The following MTMR3 variants were observed in gnomAD, a reference collection of about 807,000 sequenced individuals.
MTMR3 encodes the protein phosphatidylinositol-3,5-bisphosphate 3-phosphatase MTMR3.
Under a neutral mutation model 132.4 loss-of-function variants are expected in MTMR3, and 32 were observed. The ratio of observed to expected loss-of-function variants is 0.24; its 90% CI spans 0.18 to 0.32. The LOEUF (loss-of-function observed/expected upper bound fraction) is 0.32, where lower values mean the gene tolerates loss of function less well. Ranked by LOEUF, MTMR3 falls within the 10% of genes least tolerant of loss-of-function variation. MTMR3 has a pLI of 1.00. For synonymous variants in MTMR3, 556 were observed against 550.3 expected (o/e 1.01, Z -0.14); for missense variants, 1,216 against 1,489.6 (o/e 0.82, Z 3.02).
chr22:29,930,519 G>A (rs1367387912), intron 1 of MTMR3, among the ~76,000 whole-genome samples: 1 of 152,110 alleles, frequency 6.6e-6, no homozygotes, highest in Non-Finnish European at 1.5e-5. Flanking sequence ...AGGCAACATG[G>A]CGAAACCCTG....
intron 1 of MTMR3, among the ~76,000 whole-genome samples, chr22:29,925,572 AC>A (rs1205580462): frequency 6.6e-6 from 1 of 150,992 alleles, no homozygotes; most frequent in African/African-American, 2.5e-5. Context: ...AAAAAAAAAA[AC>A]AGCTTTGTTG....
At chr22:29,971,390 G>T (rs559608226) in intron 3 of MTMR3, among the ~76,000 whole-genome samples, 1 of 152,082 alleles carries the variant, frequency 6.6e-6, no homozygotes, top group Non-Finnish European at 1.5e-5. Context: ...AGGAAGTAGC[G>T]TGTAGTGAAA....
chr22:29,935,301 A>G (rs5763614), intron 1 of MTMR3, among the ~76,000 whole-genome samples: 44,554 of 152,074 alleles, frequency 0.29, 7,680 homozygotes, highest in East Asian at 0.61. Flanking sequence ...TCTCACAGTA[A>G]CACCATAAGA....
intron 1 of MTMR3, among the ~76,000 whole-genome samples, chr22:29,885,362 G>A (rs865892345): frequency 3.3e-5 from 5 of 152,170 alleles, no homozygotes; most frequent in Admixed American, 2.0e-4. Context: ...AGAAGGGGAA[G>A]CATGAGAAAC....
rs562885405 is a variant in MTMR3, at chr22:30,027,536, A to C, written c.*1735A>C. The C allele has an allele frequency of 6.5e-6, 1 of 152,750 alleles. No individual in the cohort carries two copies. The highest frequency in any genetic ancestry group is 2.1e-4 in the South Asian group (1 of 4,832). The allele number at this position is 152,750 out of a possible 1,614,324, so 9.5% of individuals were successfully genotyped here. ...CATCTAGTCGTGCAGGTAGGGAAAA[A>C]GTTGGTCTAATTGAAGATTGTGCAT... On this transcript the variant is annotated 3_prime_UTR_variant, in exon 20 of 20. Coordinates refer to ENST00000401950, the MANE Select transcript of MTMR3 (RefSeq NM_021090.4).
intron 2 of MTMR3, among the ~76,000 whole-genome samples, chr22:29,962,849 GT>G (rs574710021): frequency 7.3e-5 from 11 of 150,910 alleles, no homozygotes; most frequent in Non-Finnish European, 1.6e-4. Flanking sequence ...TTAGCATAAT[GT>G]TTTTAAGGTT....
chr22:30,022,836 G>C (rs1189119466), intron 19 of MTMR3, 139 bp downstream of exon 19: 4 of 740,610 alleles, frequency 5.4e-6, no homozygotes, highest in Non-Finnish European at 8.7e-6. Flanking sequence ...CTGTGCCTCT[G>C]AAATTGGTGT....
In MTMR3 at chr22:29,924,450, G is replaced by A. The variant is rs201623204; in HGVS notation, c.-137-32586G>A. Among the ~76,000 whole-genome samples, 7 of 146,530 alleles carry A rather than the reference G, an allele frequency of 4.8e-5. No individual in the cohort carries two copies. In the East Asian group the frequency reaches 1.6e-3, roughly 33 times the overall value. On this transcript the variant is annotated intron_variant, in intron 1 of 19. Coordinates refer to ENST00000401950, the MANE Select transcript of MTMR3 (RefSeq NM_021090.4). ...CTATTTTTATGCCAGTTTCCTCACT[G>A]TTTTGTTTACTGCAGCTTTGTAGTA... is the stretch of plus-strand genomic sequence containing the variant.
intron 7 of MTMR3, chr22:29,995,588 TAAGA>T (rs1031632806): frequency 2.6e-5 from 4 of 152,180 alleles, no homozygotes; most frequent in Admixed American, 6.5e-5. Context: ...ATTTTTATTA[TAAGA>T]AACACTAAAT....
chr22:29,955,753 T>C (rs977482599), intron 1 of MTMR3, among the ~76,000 whole-genome samples: 2 of 152,206 alleles, frequency 1.3e-5, no homozygotes, highest in Admixed American at 1.3e-4. Context: ...ACTGACTTTT[T>C]TTTTCTTTTC....
chr22:29,894,503 CGT>C (rs144670905), intron 1 of MTMR3, among the ~76,000 whole-genome samples: 88,901 of 147,066 alleles, frequency 0.6, 27,326 homozygotes, highest in East Asian at 0.71. Context: ...GTTCTGTATC[CGT>C]GTGTGTGTGT....
intron 1 of MTMR3, among the ~76,000 whole-genome samples, chr22:29,886,442 T>C (rs1335473341): frequency 6.6e-6 from 1 of 152,192 alleles, no homozygotes; most frequent in Non-Finnish European, 1.5e-5. Flanking sequence ...TAGTGGGAAG[T>C]TCTGGATTGA....
intron 19 of MTMR3, chr22:30,023,252 T>C (rs946983448): frequency 2.3e-5 from 14 of 604,780 alleles, no homozygotes; most frequent in Non-Finnish European, 1.5e-5. Flanking sequence ...GGGTGTTGAC[T>C]GTCTGGTGGA....
At chr22:30,002,512 C>T (rs1458918709) in intron 8 of MTMR3, 1 of 161,522 alleles carries the variant, frequency 6.2e-6, no homozygotes, top group Non-Finnish European at 1.4e-5. Context: ...AACCTATGTA[C>T]TTGTTACAGC....
chr22:29,892,183 A>G (rs1290594758), intron 1 of MTMR3, among the ~76,000 whole-genome samples: 3 of 152,026 alleles, frequency 2.0e-5, no homozygotes, highest in East Asian at 3.8e-4. Flanking sequence ...TGCTCTTGAG[A>G]GTCGTATCTG....
At chr22:29,901,343 G>A (rs2064999664) in intron 1 of MTMR3, among the ~76,000 whole-genome samples, 9 of 152,046 alleles carry the variant, frequency 5.9e-5, no homozygotes, top group Admixed American at 5.9e-4. Context: ...TAATGGAAGG[G>A]AGTTTTCAAA....
chr22:29,935,383 AT>A (rs2065728412), intron 1 of MTMR3, among the ~76,000 whole-genome samples: 1 of 152,324 alleles, frequency 6.6e-6, no homozygotes, highest in Admixed American at 6.5e-5. Flanking sequence ...AGATGCCTGA[AT>A]TGGGTTTTGA....
intron 7 of MTMR3, chr22:29,993,867 G>A (rs751607294): frequency 5.3e-5 from 8 of 152,150 alleles, no homozygotes; most frequent in East Asian, 3.8e-4. Context: ...CTGTCTTTTC[G>A]TAGGTTTGTG....
At chr22:29,910,638 T>A (rs924907360) in intron 1 of MTMR3, among the ~76,000 whole-genome samples, 1 of 152,130 alleles carries the variant, frequency 6.6e-6, no homozygotes, top group African/African-American at 2.4e-5. Context: ...AGTAAATTTT[T>A]AAAATGAGAT....
Sources: allele counts gnomAD v4.1 joint callset (sites outside exome capture counted in the v4.1 genomes callset), GRCh38; gene constraint gnomAD v4.1.1; transcripts MANE v1.5; gene names NCBI Gene and HGNC (gene_info 2026-07-23, HGNC 2026-07-21).